The following STK24 variants were observed in gnomAD, a reference collection of about 807,000 sequenced individuals.
The protein encoded by STK24 is serine/threonine kinase 24, also known as serine/threonine-protein kinase 24.
Under a neutral mutation model 55.6 loss-of-function variants are expected in STK24, and 21 were observed. The ratio of observed to expected loss-of-function variants is 0.38; its 90% CI spans 0.27 to 0.54. The LOEUF is 0.54. STK24 is among the 20% of genes least tolerant of loss of function. The probability of loss-of-function intolerance (pLI) is 0.79; values close to 1 mark genes in which losing one functional copy is unlikely to be tolerated. For missense variants in STK24, 383 were observed against 538.4 expected (o/e 0.71, Z 2.86); for synonymous variants, 200 against 215.2 (o/e 0.93, Z 0.62).
At chr13:98,521,914 C>T in intron 1 of STK24, 1 of 1,017,108 alleles carries the variant, frequency 9.8e-7, no homozygotes, top group Admixed American at 1.7e-5. Flanking sequence ...CTTCCATTCA[C>T]CCCTCTCTGC....
chr13:98,496,714 TTATTA>T (rs1411370134), intron 2 of STK24, among the ~76,000 whole-genome samples: 2 of 152,262 alleles, frequency 1.3e-5, no homozygotes, highest in Admixed American at 6.5e-5. Context: ...CAGACTCTGC[TTATTA>T]TATTTGCACC....
intron 9 of STK24, 103 bp from the exon 10 acceptor site, chr13:98,457,407 C>A: frequency 1.3e-6 from 2 of 1,557,488 alleles, no homozygotes; most frequent in East Asian, 2.2e-5. Flanking sequence ...ACGACACTAC[C>A]CCAGCCCCAG....
rs768438161 is a variant in STK24 at position 98,448,299 on chromosome 13, A to G, written c.*4874T>C. On this transcript the variant is annotated 3_prime_UTR_variant, in exon 11 of 11. Transcript: ENST00000539966. ...CGCGACCCCACGTGTTGAGTCACAAAGAGTCTCTTGTGTATTGATGGCCGG... is the reference window on the plus strand; with the variant it reads ...CGCGACCCCACGTGTTGAGTCACAAGGAGTCTCTTGTGTATTGATGGCCGG... 6.2e-7 allele frequency: 1 copy of G among 1,613,522 alleles called. No homozygotes were observed. The highest frequency in any genetic ancestry group is 8.5e-7 in the Non-Finnish European group (1 of 1,179,434).
intron 1 of STK24, among the ~76,000 whole-genome samples, chr13:98,574,979 G>A (rs770605832): frequency 3.3e-5 from 5 of 152,124 alleles, no homozygotes; most frequent in Non-Finnish European, 7.3e-5. Flanking sequence ...ATCCACAAAG[G>A]CCAATTAACC....
chr13:98,519,445 A>G lies in STK24; in HGVS notation c.71T>C (p.Phe24Ser). The change falls in exon 2 of 11, where the codon TTT becomes TCT. Residue 24 changes from phenylalanine to serine, a missense_variant. Phe to Ser is a radical substitution (Grantham distance 155, BLOSUM62 -2). Transcript: ENST00000539966. ...QNLKADPEEL[F>S]TKLEKIGKGS... Reference sequence around the variant, plus strand: ...CTTCCCAATTTTCTCTAGTTTTGTAAAAAGCTCTTCTGGGTCTGCCTTTAG... The same window carrying G: ...CTTCCCAATTTTCTCTAGTTTTGTAGAAAGCTCTTCTGGGTCTGCCTTTAG... 1 of 1,614,222 alleles carries G rather than the reference A, an allele frequency of 6.2e-7. No homozygotes were observed. Among genetic ancestry groups the G allele is most frequent in the Non-Finnish European group, 8.5e-7 (1 of 1,180,042 alleles).
chr13:98,555,582 A>T lies in STK24; in HGVS notation c.42+21163T>A, dbSNP rs9584862. 5.5e-3 allele frequency among the ~76,000 whole-genome samples: 825 copies of T among 151,218 alleles called. 10 individuals are homozygous for T. The highest frequency in any genetic ancestry group is 0.019 in the African/African-American group (782 of 41,324). ...CGACAGAGTGAGACTCCGTCTCAATAAAAAAAATATATAAATAAATAAAAA... is the reference window on the plus strand; with the variant it reads ...CGACAGAGTGAGACTCCGTCTCAATTAAAAAAATATATAAATAAATAAAAA... On this transcript the variant is annotated intron_variant, in intron 1 of 10. Transcript: ENST00000539966.
chr13:98,513,299 A>G (rs1341087043), intron 2 of STK24, among the ~76,000 whole-genome samples: 1 of 152,172 alleles, frequency 6.6e-6, no homozygotes, highest in African/African-American at 2.4e-5. Context: ...CAGCCCTAGA[A>G]ACACCATTAC....
intron 1 of STK24, among the ~76,000 whole-genome samples, chr13:98,572,188 G>A (rs752069049): frequency 2.6e-5 from 4 of 152,162 alleles, no homozygotes; most frequent in Non-Finnish European, 1.5e-5. Context: ...TTGAGGACAG[G>A]ATGGACTGAG....
chr13:98,560,904 GAAAA>G (rs67026041), intron 1 of STK24, among the ~76,000 whole-genome samples: 1 of 130,582 alleles, frequency 7.7e-6, no homozygotes, highest in South Asian at 2.4e-4. Context: ...TCAAAAAAAA[GAAAA>G]AAAAAAAAAA....
At chr13:98,479,556 C>A (rs923883334) in intron 3 of STK24, among the ~76,000 whole-genome samples, 1 of 152,194 alleles carries the variant, frequency 6.6e-6, no homozygotes, top group Non-Finnish European at 1.5e-5. Context: ...AGTCCTAAAG[C>A]CTCTCTGCTT....
chr13:98,489,759 G>A (rs1016163513), intron 2 of STK24, among the ~76,000 whole-genome samples: 2 of 152,192 alleles, frequency 1.3e-5, no homozygotes, highest in African/African-American at 4.8e-5. Flanking sequence ...GTTCGCAGAG[G>A]GCAGCTAGGA....
chr13:98,463,758 T>C lies in STK24; in HGVS notation c.862A>G (p.Ile288Val). The C allele has an allele frequency of 6.2e-7, 1 of 1,614,218 alleles. No homozygotes were observed. Among genetic ancestry groups the C allele is most frequent in the South Asian group, 1.1e-5 (1 of 91,092 alleles). ...GCCTTCCATCTCTTGTACCTGTCGA[T>C]GAGCTCGGTCAAGTAGGAAGTTTTC... ...AKKTSYLTEL[I>V]DRYKRWKAEQ... Residue 288 changes from isoleucine (I) to valine (V), a missense_variant, in exon 7 of 11, where the codon ATC (isoleucine) becomes GTC (valine). Coordinates refer to ENST00000539966, the MANE Select transcript of STK24 (RefSeq NM_001032296.4).
chr13:98,559,347 T>A (rs1000348019), intron 1 of STK24, among the ~76,000 whole-genome samples: 2 of 152,060 alleles, frequency 1.3e-5, no homozygotes, highest in African/African-American at 4.8e-5. Flanking sequence ...TGACACTAAG[T>A]CTCACAAGAT....
intron 6 of STK24, among the ~76,000 whole-genome samples, chr13:98,464,355 C>T (rs1893845351): frequency 6.6e-6 from 1 of 151,568 alleles, no homozygotes; most frequent in African/African-American, 2.4e-5. Context: ...GGAGGCGGAG[C>T]TTGCAGGGAG....
chr13:98,477,619 G>A (rs1170668891), intron 3 of STK24, among the ~76,000 whole-genome samples: 3 of 151,090 alleles, frequency 2.0e-5, no homozygotes, highest in Non-Finnish European at 4.4e-5. Flanking sequence ...AGGTTGCAAT[G>A]AGCCAAGATC....
At chr13:98,453,367 T>C in intron 10 of STK24, 158 bp from the exon 11 acceptor site, 4 of 722,632 alleles carry the variant, frequency 5.5e-6, no homozygotes, top group Non-Finnish European at 9.0e-6. Flanking sequence ...TTTAAAAGAA[T>C]GCATATAAAG....
chr13:98,452,565 A>G lies in STK24; in HGVS notation c.*608T>C, dbSNP rs1207143061. The G allele has an allele frequency of 6.5e-6, 1 of 152,706 alleles. No homozygotes were observed. The highest frequency in any genetic ancestry group is 1.5e-5 in the Non-Finnish European group (1 of 68,070). 9.5% of individuals were successfully genotyped at this position (152,706 alleles called of 1,614,324 possible). ...CCTGCAAATACAAAATAAAACCCAA[A>G]TCACTGGTCACAGAATTCAAAATGT... On this transcript the variant is annotated 3_prime_UTR_variant, in exon 11 of 11. Transcript: ENST00000539966.
At chr13:98,474,545 C>T (rs1294068028) in intron 5 of STK24, among the ~76,000 whole-genome samples, 3 of 152,160 alleles carry the variant, frequency 2.0e-5, no homozygotes, top group East Asian at 1.9e-4. Flanking sequence ...CACCCCCCTC[C>T]AAACCCGCTC....
At chr13:98,463,669 G>T (rs368227821) in intron 7 of STK24, 22 bp downstream of exon 7, 1 of 1,610,294 alleles carries the variant, frequency 6.2e-7, no homozygotes, top group Non-Finnish European at 8.5e-7. Flanking sequence ...CACATGCTTG[G>T]GTCACTCAGG....
Sources: allele counts gnomAD v4.1 joint callset (sites outside exome capture counted in the v4.1 genomes callset), GRCh38; gene constraint gnomAD v4.1.1; transcripts MANE v1.5; gene names NCBI Gene and HGNC (gene_info 2026-07-23, HGNC 2026-07-21).